Variants in CNTN4 observed in about 807,000 individuals in gnomAD.
CNTN4 encodes contactin 4.
Under a neutral mutation model 122.5 loss-of-function variants are expected in CNTN4, and 77 were observed. That is an observed-to-expected ratio of 0.63 (90% confidence interval 0.52 to 0.76). The LOEUF (loss-of-function observed/expected upper bound fraction) is 0.76. Ranked by LOEUF, CNTN4 falls within the 30% of genes least tolerant of loss-of-function variation. The pLI, the probability that CNTN4 is intolerant of heterozygous loss-of-function variation, is 0.00. For synonymous variants in CNTN4, 512 were observed against 447.0 expected (o/e 1.15, Z -1.83); for missense variants, 1,256 against 1,259.1 (o/e 1.00, Z 0.04).
chr3:2,621,717 G>A (rs1531610), intron 4 of CNTN4, among the ~76,000 whole-genome samples: 277 of 152,176 alleles, frequency 1.8e-3, no homozygotes, highest in African/African-American at 6.1e-3. Context: ...GAATGAGAAC[G>A]AAATACAATG....
chr3:2,712,228 C>T (rs187302195), intron 4 of CNTN4, among the ~76,000 whole-genome samples: 5 of 152,260 alleles, frequency 3.3e-5, no homozygotes, highest in African/African-American at 1.2e-4. Context: ...CCAAAAGTAT[C>T]TGTTAAAGAG....
At chr3:2,326,601 C>T (rs1038123083) in intron 2 of CNTN4, among the ~76,000 whole-genome samples, 40 of 152,168 alleles carry the variant, frequency 2.6e-4, no homozygotes, top group Admixed American at 3.3e-4. Context: ...AATATACTAT[C>T]GCATAAATTA....
At chr3:2,703,116 G>C (rs76064644) in intron 4 of CNTN4, among the ~76,000 whole-genome samples, 1,852 of 152,242 alleles carry the variant, frequency 0.012, 27 homozygotes, top group African/African-American at 0.037. Context: ...ATTCTACAGA[G>C]GACGAAACGG....
At chr3:3,054,010 C>T in intron 24 of CNTN4, 35 bp downstream of exon 24, 2 of 1,607,522 alleles carry the variant, frequency 1.2e-6, no homozygotes, top group Non-Finnish European at 1.7e-6. Context: ...TTTCTCCTGC[C>T]TGTCTTATCT....
chr3:3,017,007 ATGTGGC>A, intron 14 of CNTN4, among the ~76,000 whole-genome samples: 1 of 152,148 alleles, frequency 6.6e-6, no homozygotes, highest in East Asian at 1.9e-4. Flanking sequence ...TCACAATACT[ATGTGGC>A]TGTGCCTCTC....
At position 2,164,674 on chromosome 3, in the gene CNTN4, T is replaced by A. The variant is rs371593082; in HGVS notation, c.-145+64035T>A. 7.9e-4 allele frequency among the ~76,000 whole-genome samples: 120 copies of A among 152,276 alleles called. 2 individuals carry two copies. The highest frequency in any genetic ancestry group is 2.7e-3 in the African/African-American group (111 of 41,546). ...CAAGGAAAAGAGAATTTGACTATTA[T>A]CCAGTTTCTCATCTGCCACAGAAAA... On this transcript the variant is annotated intron_variant, in intron 2 of 24. Coordinates refer to ENST00000418658, the MANE Select transcript of CNTN4 (RefSeq NM_175607.3).
chr3:2,913,462 T>G (rs1236961739), intron 12 of CNTN4, among the ~76,000 whole-genome samples: 11 of 152,086 alleles, frequency 7.2e-5, no homozygotes, highest in African/African-American at 7.2e-5. Context: ...AATGAAAGAA[T>G]AGAGGAAAAT....
intron 6 of CNTN4, among the ~76,000 whole-genome samples, chr3:2,809,458 C>G (rs2092552011): frequency 6.6e-6 from 1 of 152,080 alleles, no homozygotes; most frequent in African/African-American, 2.4e-5. Context: ...TGGCAGGGAG[C>G]AAAGCTGGGG....
intron 3 of CNTN4, among the ~76,000 whole-genome samples, chr3:2,480,848 T>C (rs2075969665): frequency 6.6e-6 from 1 of 152,110 alleles, no homozygotes; most frequent in South Asian, 2.1e-4. Flanking sequence ...CTTCAAGAAA[T>C]GCTGTATAGC....
chr3:3,017,497 A>C (rs140486937), intron 14 of CNTN4, among the ~76,000 whole-genome samples: 1 of 152,350 alleles, frequency 6.6e-6, no homozygotes, highest in African/African-American at 2.4e-5. Context: ...CTTACCCCTA[A>C]AATCAGGACT....
intron 2 of CNTN4, among the ~76,000 whole-genome samples, chr3:2,148,540 AAAAG>A (rs2035351778): frequency 6.6e-6 from 1 of 151,886 alleles, no homozygotes. Flanking sequence ...CTCAAAAAAA[AAAAG>A]AAAAGAAAAG....
At chr3:2,727,546 A>C (rs7638622) in intron 4 of CNTN4, among the ~76,000 whole-genome samples, 30,155 of 152,166 alleles carry the variant, frequency 0.2, 3,168 homozygotes, top group African/African-American at 0.27. Context: ...AGTAGGATAC[A>C]TTGATACAGC....
Position 3,000,318 on chromosome 3 carries a change from G to C in CNTN4, c.1486+11846G>C, listed in dbSNP as rs1308575761. On this transcript the variant is annotated intron_variant, in intron 14 of 24. Transcript: ENST00000418658. ...CATTAAAATTTGAAATCACCTTAAAGAGTGACAACTGGGATGATAGGAACA... is the reference window on the plus strand; with the variant it reads ...CATTAAAATTTGAAATCACCTTAAACAGTGACAACTGGGATGATAGGAACA... Among the ~76,000 whole-genome samples, 3 of 150,858 alleles carry C rather than the reference G, an allele frequency of 2.0e-5. No homozygotes were observed. In the South Asian group the frequency reaches 6.3e-4, roughly 32 times the overall value.
At chr3:2,246,314 C>T (rs1393581887) in intron 2 of CNTN4, among the ~76,000 whole-genome samples, 1 of 152,044 alleles carries the variant, frequency 6.6e-6, no homozygotes, top group African/African-American at 2.4e-5. Flanking sequence ...AAATTGTCAT[C>T]AAGGCAATGG....
At chr3:2,714,684 T>G (rs9852788) in intron 4 of CNTN4, among the ~76,000 whole-genome samples, 26,172 of 152,164 alleles carry the variant, frequency 0.17, 2,324 homozygotes, top group African/African-American at 0.2. Context: ...TCAGCCTGTG[T>G]TCATTCCCGT....
At chr3:2,356,195 A>G (rs1183686931) in intron 3 of CNTN4, among the ~76,000 whole-genome samples, 5 of 152,218 alleles carry the variant, frequency 3.3e-5, no homozygotes, top group Admixed American at 3.3e-4. Context: ...CATAAGAATG[A>G]ATTCGAGAAG....
chr3:2,796,776 C>G (rs1044427898), intron 6 of CNTN4, among the ~76,000 whole-genome samples: 4 of 152,150 alleles, frequency 2.6e-5, no homozygotes, highest in African/African-American at 4.8e-5. Flanking sequence ...AAGGTGACAA[C>G]TAAGTTTGCA....
chr3:2,761,378 A>C (rs1484491485), intron 6 of CNTN4, among the ~76,000 whole-genome samples: 2 of 151,860 alleles, frequency 1.3e-5, no homozygotes, highest in Non-Finnish European at 1.5e-5. Context: ...TTTGAGAATT[A>C]TTTAAGTTAC....
intron 3 of CNTN4, among the ~76,000 whole-genome samples, chr3:2,363,736 A>G (rs533957749): frequency 1.1e-4 from 16 of 152,306 alleles, no homozygotes; most frequent in Admixed American, 9.8e-4. Context: ...TTTCACGAAG[A>G]TAGAGAATAA....
Sources: gnomAD v4.1 joint callset for allele counts (sites outside exome capture counted in the v4.1 genomes callset) on GRCh38, gnomAD v4.1.1 for gene constraint, MANE v1.5 for transcripts, NCBI Gene and HGNC (gene_info 2026-07-23, HGNC 2026-07-21) for gene names.